The following SIPA1L3 variants were observed in gnomAD, a reference collection of about 807,000 sequenced individuals.
SIPA1L3 encodes signal-induced proliferation-associated 1-like protein 3.
A neutral mutation model predicts 150.1 loss-of-function variants in SIPA1L3; 59 were observed. That is an observed-to-expected ratio of 0.39 (90% confidence interval 0.32 to 0.49). The LOEUF (loss-of-function observed/expected upper bound fraction) is 0.49. SIPA1L3 is among the 20% of genes least tolerant of loss of function. SIPA1L3 has a pLI of 0.86. For missense variants in SIPA1L3, 2,211 were observed against 2,489.5 expected (o/e 0.89, Z 2.38); for synonymous variants, 1,070 against 1,077.6 (o/e 0.99, Z 0.14).
intron 17 of SIPA1L3, among the ~76,000 whole-genome samples, chr19:38,193,140 A>G (rs971247615): frequency 5.3e-5 from 8 of 151,848 alleles, no homozygotes; most frequent in African/African-American, 1.9e-4. Flanking sequence ...CCAGGAGTTC[A>G]AGACCATCCT....
intron 4 of SIPA1L3, among the ~76,000 whole-genome samples, chr19:38,099,306 G>T (rs1371309513): frequency 6.6e-6 from 1 of 151,548 alleles, no homozygotes; most frequent in African/African-American, 2.4e-5. Context: ...CAAAGTGCTG[G>T]GGTTACAGGT....
chr19:37,943,567 G>A (rs1007514655), intron 1 of SIPA1L3, among the ~76,000 whole-genome samples: 12 of 152,260 alleles, frequency 7.9e-5, no homozygotes, highest in African/African-American at 2.9e-4. Context: ...ACTTTCGATT[G>A]CTGACCACTT....
At chr19:38,111,662 C>A (rs987648812) in intron 8 of SIPA1L3, among the ~76,000 whole-genome samples, 32 of 152,208 alleles carry the variant, frequency 2.1e-4, no homozygotes, top group Non-Finnish European at 4.4e-5. Flanking sequence ...TGTCTAGCAC[C>A]TCTGTGCTGC....
intron 2 of SIPA1L3, among the ~76,000 whole-genome samples, chr19:38,069,902 C>T (rs935798110): frequency 3.3e-5 from 5 of 151,660 alleles, no homozygotes; most frequent in Non-Finnish European, 5.9e-5. Context: ...TCTTGAACTC[C>T]TGACCTCAAG....
At chr19:38,199,913 C>T (rs1433701235) in intron 19 of SIPA1L3, 1 of 151,958 alleles carries the variant, frequency 6.6e-6, no homozygotes, top group Non-Finnish European at 1.5e-5. Flanking sequence ...AGATGAAATA[C>T]AAAGACATCT....
At position 38,065,902 on chromosome 19, in the gene SIPA1L3, C is replaced by CTTATTTATCTAT. The variant is rs1555782600; in HGVS notation, c.-310-15346_-310-15345insCTATTTATTTAT. Among the ~76,000 whole-genome samples, 126 of 87,588 alleles carry CTTATTTATCTAT rather than the reference C, an allele frequency of 1.4e-3. 3 individuals carry two copies. The highest frequency in any genetic ancestry group is 9.6e-3 in the East Asian group (28 of 2,904). The allele number at this position is 87,588 out of a possible 152,430, so 57.5% of individuals were successfully genotyped here. A position where few individuals can be genotyped will look rare whatever the true frequency, so the allele number is the denominator to read the frequency against. ...TTGCTCTGTTGCCCGGGTTTGATCT[C>CTTATTTATCTAT]TTATTTATTTATCTATTTATTTATT... is the stretch of plus-strand genomic sequence containing the variant. On this transcript the variant is annotated intron_variant, in intron 2 of 21. Coordinates refer to ENST00000222345, the MANE Select transcript of SIPA1L3 (RefSeq NM_015073.3).
At position 38,082,130 on chromosome 19, in the gene SIPA1L3, G is replaced by A. The variant is rs1348124142; in HGVS notation, c.565G>A (p.Gly189Arg). ...CDAEDAGEPR[G>R]ARHTGALPLF... ...CGCGGAGGACGCGGGGGAGCCGCGG[G>A]GGGCCCGGCACACGGGGGCGCTGCC... The change falls in exon 3 of 22, where the codon GGG becomes AGG. Residue 189 changes from glycine (G) to arginine (R), a missense_variant. Transcript: ENST00000222345. 12 of 1,606,336 alleles carry A rather than the reference G, an allele frequency of 7.5e-6. No individual in the cohort carries two copies. The highest frequency in any genetic ancestry group is 5.0e-5 in the Admixed American group (3 of 59,920).
intron 9 of SIPA1L3, among the ~76,000 whole-genome samples, chr19:38,121,600 A>G (rs1275661043): frequency 6.6e-6 from 1 of 151,702 alleles, no homozygotes; most frequent in Non-Finnish European, 1.5e-5. Context: ...TTAGCCAGGC[A>G]TGGTGGCGGG....
At chr19:37,940,507 C>T (rs545765986) in intron 1 of SIPA1L3, among the ~76,000 whole-genome samples, 11 of 152,120 alleles carry the variant, frequency 7.2e-5, no homozygotes, top group Admixed American at 2.0e-4. Flanking sequence ...ATCTGGTATC[C>T]GCACAGTGTT....
At chr19:37,989,447 C>T (rs970369736) in intron 1 of SIPA1L3, among the ~76,000 whole-genome samples, 1 of 152,082 alleles carries the variant, frequency 6.6e-6, no homozygotes, top group African/African-American at 2.4e-5. Flanking sequence ...TGGTCTTGAA[C>T]TCCTGGCCTC....
intron 1 of SIPA1L3, among the ~76,000 whole-genome samples, chr19:37,911,286 C>T (rs1430419964): frequency 2.6e-5 from 4 of 151,440 alleles, no homozygotes; most frequent in Non-Finnish European, 5.9e-5. Context: ...CTGTTTTCTT[C>T]CTCCTCCCAT....
At chr19:38,109,057 G>C (rs1970683734) in intron 7 of SIPA1L3, among the ~76,000 whole-genome samples, 1 of 152,138 alleles carries the variant, frequency 6.6e-6, no homozygotes, top group Admixed American at 6.6e-5. Flanking sequence ...TGTGAATACG[G>C]CGTCACCTGT....
At chr19:37,958,233 A>G (rs1376117402) in intron 1 of SIPA1L3, among the ~76,000 whole-genome samples, 12 of 151,750 alleles carry the variant, frequency 7.9e-5, no homozygotes. Flanking sequence ...CAGGAGTTTG[A>G]GACCAGCCCA....
chr19:38,118,543 C>CTT (rs528248381), intron 8 of SIPA1L3, among the ~76,000 whole-genome samples: 6 of 149,616 alleles, frequency 4.0e-5, no homozygotes, highest in East Asian at 2.0e-4. Flanking sequence ...TGCCCTAACA[C>CTT]TTTTTTTTTT....
rs1969091435 is a variant in SIPA1L3 at position 38,047,657 on chromosome 19, C to T, written c.-311+18501C>T. ...CCGGGCTGACCCCAGAGCGCACGCT[C>T]CTTTGCCCGCCCCTGCCACACTGGT... On this transcript the variant is annotated intron_variant, in intron 2 of 21. Transcript: ENST00000222345. This position sits in a 1 kb window ranked among gnomAD's most constrained non-coding sequence, Gnocchi z 4.7. 6.6e-6 allele frequency among the ~76,000 whole-genome samples: 1 copy of T among 152,224 alleles called. No homozygotes were observed.
intron 4 of SIPA1L3, among the ~76,000 whole-genome samples, chr19:38,093,410 C>G (rs1970305825): frequency 6.6e-6 from 1 of 152,126 alleles, no homozygotes; most frequent in African/African-American, 2.4e-5. Context: ...CTCTCAGAGC[C>G]TCAGTTTCCC....
intron 1 of SIPA1L3, among the ~76,000 whole-genome samples, chr19:37,940,694 C>T (rs1291958824): frequency 1.3e-5 from 2 of 152,134 alleles, no homozygotes; most frequent in Non-Finnish European, 2.9e-5. Context: ...GATTCTCCAC[C>T]TCAGCCTCCT....
intron 8 of SIPA1L3, among the ~76,000 whole-genome samples, chr19:38,111,764 T>G (rs1327900769): frequency 6.6e-6 from 1 of 152,228 alleles, no homozygotes; most frequent in East Asian, 1.9e-4. Flanking sequence ...CCTCTCCCCC[T>G]GCCCATCGGT....
At chr19:38,185,401 TCAA>T (rs1972656383) in intron 16 of SIPA1L3, 1 of 152,148 alleles carries the variant, frequency 6.6e-6, no homozygotes, top group Non-Finnish European at 1.5e-5. Flanking sequence ...GTTACCCTCC[TCAA>T]CAATCACCCG....
Sources: gnomAD v4.1 joint callset for allele counts (sites outside exome capture counted in the v4.1 genomes callset) on GRCh38, gnomAD v4.1.1 for gene constraint, Gnocchi (gnomAD v3.1) non-coding constraint, MANE v1.5 for transcripts, NCBI Gene and HGNC (gene_info 2026-07-23, HGNC 2026-07-21) for gene names.